The following CTNND2 variants were observed in gnomAD, a reference collection of about 807,000 sequenced individuals.
CTNND2 encodes catenin delta-2.
CTNND2 carries 22 observed loss-of-function variants against 144.4 expected under a neutral mutation model. That is an observed-to-expected ratio of 0.15 (90% CI 0.11 to 0.22). CTNND2 has a LOEUF of 0.22. CTNND2 is among the 10% of genes least tolerant of loss of function. The pLI, the probability that CTNND2 is intolerant of heterozygous loss-of-function variation, is 1.00. For missense variants in CTNND2, 1,353 were observed against 1,618.8 expected (o/e 0.84, Z 2.82); for synonymous variants, 751 against 695.6 (o/e 1.08, Z -1.25).
At chr5:11,575,082 C>T (rs1177782790) in intron 2 of CTNND2, among the ~76,000 whole-genome samples, 2 of 152,182 alleles carry the variant, frequency 1.3e-5, no homozygotes, top group South Asian at 2.1e-4. Context: ...ACCTCACCCT[C>T]AATCTCAGCA....
At chr5:11,662,663 G>C (rs934296861) in intron 2 of CTNND2, among the ~76,000 whole-genome samples, 1 of 152,042 alleles carries the variant, frequency 6.6e-6, no homozygotes, top group Non-Finnish European at 1.5e-5. Context: ...TACATCCTTC[G>C]ATCCAACCAA....
intron 2 of CTNND2, chr5:11,588,985 T>C: frequency 1.0e-6 from 1 of 985,334 alleles, no homozygotes; most frequent in Non-Finnish European, 1.2e-6. Context: ...CGCTGAATTA[T>C]CCTATGGTAA....
intron 1 of CTNND2, among the ~76,000 whole-genome samples, chr5:11,840,099 GA>G (rs1020189841): frequency 2.1e-4 from 32 of 150,872 alleles, no homozygotes; most frequent in South Asian, 1.5e-3. Context: ...TATTCATTAG[GA>G]AAAAAAAATT....
chr5:11,039,355 A>C (rs1744431424), intron 16 of CTNND2, among the ~76,000 whole-genome samples: 1 of 152,214 alleles, frequency 6.6e-6, no homozygotes, highest in Admixed American at 6.5e-5. Context: ...GCTCCCCTGC[A>C]ACAATCCATA....
intron 2 of CTNND2, among the ~76,000 whole-genome samples, chr5:11,595,258 G>A (rs1268769597): frequency 6.6e-6 from 1 of 152,138 alleles, no homozygotes; most frequent in East Asian, 1.9e-4. Flanking sequence ...GGGCCTTGTA[G>A]TGACAAGTAC....
intron 1 of CTNND2, among the ~76,000 whole-genome samples, chr5:11,900,505 G>C (rs998798914): frequency 3.9e-5 from 6 of 152,188 alleles, no homozygotes; most frequent in African/African-American, 1.4e-4. Context: ...TGGATTGGCA[G>C]ACAATGTGAT....
At chr5:11,316,490 T>TTATTATTATTAG (rs1261757792) in intron 9 of CTNND2, among the ~76,000 whole-genome samples, 2 of 148,390 alleles carry the variant, frequency 1.3e-5, no homozygotes, top group African/African-American at 4.9e-5. Context: ...ATTATTATTA[T>TTATTATTATTAG]TATTATTATT....
rs111430475 is a variant in CTNND2 at position 11,670,900 on chromosome 5, G to A, written c.174+61236C>T. On this transcript the variant is annotated intron_variant, in intron 2 of 21. Transcript: ENST00000304623. ...GGTCTTTACAATTTGGTATGTTTTTGTAGTGGTTGGTACTGGTTATTCTTT... is the reference window on the plus strand; with the variant it reads ...GGTCTTTACAATTTGGTATGTTTTTATAGTGGTTGGTACTGGTTATTCTTT... Among the ~76,000 whole-genome samples, 382 of 152,248 alleles carry A rather than the reference G, an allele frequency of 2.5e-3. 2 individuals carry two copies. The highest frequency in any genetic ancestry group is 6.8e-3 in the Middle Eastern group (2 of 294).
At chr5:11,825,286 AT>A (rs1793540293) in intron 1 of CTNND2, among the ~76,000 whole-genome samples, 1 of 152,232 alleles carries the variant, frequency 6.6e-6, no homozygotes, top group Non-Finnish European at 1.5e-5. Flanking sequence ...TGAAACACTT[AT>A]GAAAAATGTG....
chr5:11,189,695 C>G (rs1048447139), intron 11 of CTNND2, among the ~76,000 whole-genome samples: 1 of 152,164 alleles, frequency 6.6e-6, no homozygotes, highest in South Asian at 2.1e-4. Flanking sequence ...TTTTGGGGAG[C>G]CAAATTGTAT....
intron 9 of CTNND2, among the ~76,000 whole-genome samples, chr5:11,257,433 T>C (rs1300286189): frequency 1.3e-5 from 2 of 152,152 alleles, no homozygotes; most frequent in Non-Finnish European, 2.9e-5. Context: ...GAAAAGAGGT[T>C]TAAGAGCCAG....
At chr5:11,760,994 G>T (rs1446148350) in intron 1 of CTNND2, among the ~76,000 whole-genome samples, 1 of 152,032 alleles carries the variant, frequency 6.6e-6, no homozygotes, top group Non-Finnish European at 1.5e-5. Flanking sequence ...ATGAGTATTT[G>T]TTTTGCCTGG....
intron 2 of CTNND2, among the ~76,000 whole-genome samples, chr5:11,622,861 T>C (rs1324634344): frequency 1.3e-5 from 2 of 152,224 alleles, no homozygotes; most frequent in Non-Finnish European, 2.9e-5. Context: ...AATTTCAGAA[T>C]GATTAAAACA....
chr5:11,200,153 A>G (rs971495175), intron 10 of CTNND2, among the ~76,000 whole-genome samples: 1 of 152,196 alleles, frequency 6.6e-6, no homozygotes, highest in African/African-American at 2.4e-5. Flanking sequence ...GAATTGACAC[A>G]AGGAGTTTTA....
At chr5:11,301,519 T>C (rs560489160) in intron 9 of CTNND2, among the ~76,000 whole-genome samples, 3 of 152,334 alleles carry the variant, frequency 2.0e-5, no homozygotes, top group South Asian at 2.1e-4. Context: ...AGTGCGTTTT[T>C]GGAGAACTTC....
At chr5:11,173,972 T>C (rs1269659653) in intron 11 of CTNND2, among the ~76,000 whole-genome samples, 1 of 152,110 alleles carries the variant, frequency 6.6e-6, no homozygotes, top group Non-Finnish European at 1.5e-5. Flanking sequence ...AGGAGGCCAC[T>C]TCAGAACCCT....
chr5:11,380,303 G>A (rs1359118591), intron 7 of CTNND2, among the ~76,000 whole-genome samples: 1 of 152,172 alleles, frequency 6.6e-6, no homozygotes, highest in African/African-American at 2.4e-5. Flanking sequence ...AGCAAAGATG[G>A]ATGTCTTCTT....
At chr5:11,878,936 CT>C (rs1735769851) in intron 1 of CTNND2, among the ~76,000 whole-genome samples, 1 of 152,186 alleles carries the variant, frequency 6.6e-6, no homozygotes. Context: ...ATTTCTGTGT[CT>C]GCAATTGCAC....
At chr5:11,292,002 C>T (rs1748401405) in intron 9 of CTNND2, among the ~76,000 whole-genome samples, 1 of 152,038 alleles carries the variant, frequency 6.6e-6, no homozygotes, top group African/African-American at 2.4e-5. Context: ...CCTGCTCCTC[C>T]TTTTGAGTTT....
Sources: gnomAD v4.1 joint callset for allele counts (sites outside exome capture counted in the v4.1 genomes callset) on GRCh38, gnomAD v4.1.1 for gene constraint, MANE v1.5 for transcripts, NCBI Gene and HGNC (gene_info 2026-07-23, HGNC 2026-07-21) for gene names.